The following MMP7 variants were observed in gnomAD, a reference collection of about 807,000 sequenced individuals.
The protein encoded by MMP7 is matrix metallopeptidase 7, also known as matrilysin.
A neutral mutation model predicts 31.5 loss-of-function variants in MMP7; 26 were observed. That is an observed-to-expected ratio of 0.83 (90% CI 0.61 to 1.15). The LOEUF is 1.15. Ranked by LOEUF, MMP7 falls within the 50% of genes most tolerant of loss-of-function variation. The pLI is 0.00. For synonymous variants in MMP7, 142 were observed against 124.2 expected (o/e 1.14, Z -0.95); for missense variants, 367 against 326.5 (o/e 1.12, Z -0.96).
Position 102,527,919 on chromosome 11 carries a change from T to C in MMP7, c.173A>G (p.Lys58Arg). The C allele has an allele frequency of 2.0e-5, 32 of 1,614,172 alleles. No homozygotes were observed. Among genetic ancestry groups the C allele is most frequent in the Non-Finnish European group, 2.6e-5 (31 of 1,180,018 alleles). The change falls in exon 2 of 6, where the codon AAA (lysine) becomes AGA (arginine). Residue 58 changes from lysine to arginine, a missense_variant. Transcript: ENST00000260227. ...AAAGAATTTTTGCATCTCCTTGAGT[T>C]TGGCTTCTAAACTGTTGGCATTTTT... ...ETKNANSLEAKLKEMQKFFGL... is the reference protein window; with the variant it reads ...ETKNANSLEARLKEMQKFFGL...
At chr11:102,523,168 C>T in intron 5 of MMP7, 72 bp downstream of exon 5, 1 of 1,260,970 alleles carries the variant, frequency 7.9e-7, no homozygotes, top group South Asian at 1.6e-5. Context: ...TACCCATTTC[C>T]CAGCCTTTCT....
In MMP7 at chr11:102,530,681, C is replaced by T. The variant is rs1461401365; in HGVS notation, c.20G>A (p.Cys7Tyr). MRLTVLCAVCLLPGSLA... is the reference protein window; with the variant it reads MRLTVLYAVCLLPGSLA... ...GCTGCCAGGCAGCAGGCACACAGCA[C>T]ACAGCACGGTGAGTCGCATAGCTGC... Residue 7 changes from cysteine to tyrosine, a missense_variant, in exon 1 of 6, where the codon TGT becomes TAT. Cys to Tyr is a radical substitution (Grantham distance 194). Transcript: ENST00000260227. 5 of 1,613,840 alleles carry T rather than the reference C, an allele frequency of 3.1e-6. No homozygotes were observed. The highest frequency in any genetic ancestry group is 3.4e-6 in the Non-Finnish European group (4 of 1,179,916).
intron 1 of MMP7, 44 bp from the exon 2 acceptor site, chr11:102,528,027 A>G: frequency 7.1e-7 from 1 of 1,411,608 alleles, no homozygotes; most frequent in Non-Finnish European, 9.7e-7. Flanking sequence ...TGTTTATTAT[A>G]TTCTTTTATC....
chr11:102,525,944 AC>A (rs757972953), intron 3 of MMP7, among the ~76,000 whole-genome samples: 82 of 151,734 alleles, frequency 5.4e-4, no homozygotes, highest in Non-Finnish European at 1.1e-3. Context: ...CTCTTAAAAA[AC>A]TTGTAGTGCC....
chr11:102,527,640 A>G lies in MMP7; in HGVS notation c.368T>C (p.Ile123Thr). The G allele has an allele frequency of 6.2e-7, 1 of 1,614,158 alleles. No individual in the cohort carries two copies. Among genetic ancestry groups the G allele is most frequent in the Non-Finnish European group, 8.5e-7 (1 of 1,180,008 alleles). The change falls in exon 3 of 6, where the codon ATT (isoleucine) becomes ACT (threonine). Residue 123 changes from isoleucine to threonine, a missense_variant. Coordinates refer to ENST00000260227, the MANE Select transcript of MMP7 (RefSeq NM_002423.5). ...CTTTGACACTAATCGATCCACTGTA[A>G]TATGCGGTAAGTCTCGAGTATATGA... ...IVSYTRDLPH[I>T]TVDRLVSKAL...
chr11:102,526,240 A>ATTTT (rs762318650), intron 3 of MMP7, among the ~76,000 whole-genome samples: 17 of 131,492 alleles, frequency 1.3e-4, no homozygotes, highest in African/African-American at 2.6e-4. Context: ...ATATATATAT[A>ATTTT]TTTTTTTTTT....
Position 102,527,786 on chromosome 11 carries a change from T to A in MMP7, c.306A>T (p.Pro102=). 1 of 1,614,190 alleles carries A rather than the reference T, an allele frequency of 6.2e-7. No homozygotes were observed. The highest frequency in any genetic ancestry group is 1.1e-5 in the South Asian group (1 of 91,084). The change falls in exon 2 of 6, where the codon CCA becomes CCT. Residue 102 remains proline, a synonymous_variant. Transcript: ENST00000260227. ...AGGTGACCACTTTGGAAGTCCATTT[T>A]GGGCTATTTGGAAATAGTGAGTATT... ...VAEYSLFPNS[P]KWTSKVVTYR...
chr11:102,523,475 T>C (rs1245135329), intron 4 of MMP7, 74 bp from the exon 5 acceptor site: 4 of 1,198,642 alleles, frequency 3.3e-6, no homozygotes, highest in Non-Finnish European at 4.4e-6. Context: ...ATATATGATA[T>C]CATAATTTAA....
chr11:102,523,344 T>C lies in MMP7; in HGVS notation c.671A>G (p.His224Arg). The C allele has an allele frequency of 6.2e-7, 1 of 1,613,022 alleles. No homozygotes were observed. The highest frequency in any genetic ancestry group is 8.5e-7 in the Non-Finnish European group (1 of 1,179,396). Residue 224 changes from histidine (H) to arginine (R), a missense_variant, in exon 5 of 6, where the codon CAT (histidine) becomes CGT (arginine). Coordinates refer to ENST00000260227, the MANE Select transcript of MMP7 (RefSeq NM_002423.5). Reference protein sequence around the residue: ...HELGHSLGMGHSSDPNAVMYP... With the variant: ...HELGHSLGMGRSSDPNAVMYP... ...CATCACTGCATTAGGATCAGAGGAA[T>C]GTCCCATACCCAAAGAATGGCCAAG... is the stretch of plus-strand genomic sequence containing the variant.
At chr11:102,526,878 C>T (rs990745584) in intron 3 of MMP7, 58 of 152,586 alleles carry the variant, frequency 3.8e-4, no homozygotes, top group African/African-American at 1.4e-3. Flanking sequence ...CGTTTAGACA[C>T]ACAAATACTT....
At chr11:102,522,799 C>G (rs1362616402) in intron 5 of MMP7, among the ~76,000 whole-genome samples, 1 of 152,142 alleles carries the variant, frequency 6.6e-6, no homozygotes. Context: ...CGTGGTTAAC[C>G]GCTTTCTCTA....
chr11:102,525,004 G>A lies in MMP7; in HGVS notation c.545C>T (p.Pro182Leu). Reference protein sequence around the residue: ...PGNTLAHAFAPGTGLGGDAHF... With the variant: ...PGNTLAHAFALGTGLGGDAHF... ...AGCATCTCCTCCGAGACCTGTCCCA[G>A]GCGCAAAGGCATGAGCCAGCGTGTT... Residue 182 changes from proline (P) to leucine (L), a missense_variant, in exon 4 of 6, where the codon CCT becomes CTT. Pro to Leu is a moderately conservative substitution (Grantham distance 98, BLOSUM62 -3). Coordinates refer to ENST00000260227, the MANE Select transcript of MMP7 (RefSeq NM_002423.5). 1 of 1,613,944 alleles carries A rather than the reference G, an allele frequency of 6.2e-7. No individual in the cohort carries two copies. Among genetic ancestry groups the A allele is most frequent in the Non-Finnish European group, 8.5e-7 (1 of 1,179,944 alleles).
Position 102,527,913 on chromosome 11 carries a change from T to A in MMP7, c.179A>T (p.Lys60Met). The A allele has an allele frequency of 6.2e-7, 1 of 1,614,142 alleles. No individual in the cohort carries two copies. Among genetic ancestry groups the A allele is most frequent in the Non-Finnish European group, 8.5e-7 (1 of 1,180,010 alleles). The change falls in exon 2 of 6, where the codon AAG (lysine) becomes ATG (methionine). Residue 60 changes from lysine to methionine, a missense_variant. By Grantham distance (95) the Lys-to-Met change is moderately conservative. Coordinates refer to ENST00000260227, the MANE Select transcript of MMP7 (RefSeq NM_002423.5). The part of the protein sequence containing the change: ...KNANSLEAKL[K>M]EMQKFFGLPI... ...TAGGCCAAAGAATTTTTGCATCTCCTTGAGTTTGGCTTCTAAACTGTTGGC... is the reference window on the plus strand; with the variant it reads ...TAGGCCAAAGAATTTTTGCATCTCCATGAGTTTGGCTTCTAAACTGTTGGC...
chr11:102,527,567 AAC>A lies in MMP7; in HGVS notation c.439_440del (p.Val147CysfsTer6). On this transcript the variant is annotated frameshift_variant, in exon 3 of 6. Transcript: ENST00000260227. LOFTEE classifies it high-confidence loss of function. ...GKEIPLHFRK[V>X]VWGTADIMIG... Reference sequence around the variant, plus strand: ...TCATGATGTCAGCAGTTCCCCATACAACTTTCCTGAAATGCAGGGGGATCTCT... The same window carrying A: ...TCATGATGTCAGCAGTTCCCCATACATTTCCTGAAATGCAGGGGGATCTCT... 6.2e-7 allele frequency: 1 copy of A among 1,614,134 alleles called. No homozygotes were observed. Among genetic ancestry groups the A allele is most frequent in the Non-Finnish European group, 8.5e-7 (1 of 1,180,012 alleles).
intron 4 of MMP7, among the ~76,000 whole-genome samples, 154 bp from the exon 5 acceptor site, chr11:102,523,555 G>T (rs1337641547): frequency 6.6e-6 from 1 of 152,200 alleles, no homozygotes; most frequent in Non-Finnish European, 1.5e-5. Context: ...GCTTTCAAAA[G>T]TGGAGAGGGG....
chr11:102,522,876 G>A (rs1858628415), intron 5 of MMP7, among the ~76,000 whole-genome samples: 2 of 152,192 alleles, frequency 1.3e-5, no homozygotes, highest in South Asian at 2.1e-4. Context: ...TTAGGAGTGG[G>A]CAGCTATGAA....
Position 102,524,946 on chromosome 11 carries a change from A to G in MMP7, c.603T>C (p.Gly201=). The G allele has an allele frequency of 6.2e-7, 1 of 1,613,944 alleles. No homozygotes were observed. The change falls in exon 4 of 6, where the codon GGT becomes GGC. Residue 201 remains glycine, a synonymous_variant. Coordinates refer to ENST00000260227, the MANE Select transcript of MMP7 (RefSeq NM_002423.5). Reference sequence around the variant, plus strand: ...CATGAGATGCTATACCTAGACTGCTACCATCCGTCCAGCGTTCATCCTCAT... The same window carrying G: ...CATGAGATGCTATACCTAGACTGCTGCCATCCGTCCAGCGTTCATCCTCAT... ...HFDEDERWTD[G]SSLGINFLYA... is the part of the protein sequence containing the mutation.
intron 1 of MMP7, among the ~76,000 whole-genome samples, chr11:102,528,829 C>T (rs1358187654): frequency 6.6e-6 from 1 of 152,192 alleles, no homozygotes; most frequent in Non-Finnish European, 1.5e-5. Flanking sequence ...ACAACAATAG[C>T]AACCTCACAG....
At chr11:102,528,086 T>C in intron 1 of MMP7, 103 bp from the exon 2 acceptor site, 1 of 814,500 alleles carries the variant, frequency 1.2e-6, no homozygotes, top group Non-Finnish European at 1.9e-6. Flanking sequence ...ATTCAAATAA[T>C]GATTTGAAGA....
Sources: allele counts gnomAD v4.1 joint callset (sites outside exome capture counted in the v4.1 genomes callset), GRCh38; gene constraint gnomAD v4.1.1; transcripts MANE v1.5; gene names NCBI Gene and HGNC (gene_info 2026-07-23, HGNC 2026-07-21).